Variants in SH3PXD2A observed in about 807,000 individuals in gnomAD.
The protein encoded by SH3PXD2A is SH3 and PX domain-containing protein 2A.
Under a neutral mutation model 115.2 loss-of-function variants are expected in SH3PXD2A, and 32 were observed. The observed-to-expected ratio is 0.28, with a 90% CI of 0.21 to 0.37. The LOEUF (loss-of-function observed/expected upper bound fraction) is 0.37. SH3PXD2A is among the 10% of genes least tolerant of loss of function. SH3PXD2A has a pLI of 1.00. For synonymous variants in SH3PXD2A, 610 were observed against 629.1 expected (o/e 0.97, Z 0.45); for missense variants, 1,328 against 1,498.7 (o/e 0.89, Z 1.88).
intron 1 of SH3PXD2A, among the ~76,000 whole-genome samples, chr10:103,853,110 C>G (rs184213620): frequency 3.9e-5 from 6 of 152,196 alleles, no homozygotes; most frequent in African/African-American, 1.2e-4. Flanking sequence ...CCCTGCCCCC[C>G]CAAACATAAT....
At chr10:103,828,656 A>C (rs989069466) in intron 1 of SH3PXD2A, among the ~76,000 whole-genome samples, 1 of 152,178 alleles carries the variant, frequency 6.6e-6, no homozygotes, top group Non-Finnish European at 1.5e-5. Context: ...CGAGATCCCA[A>C]GGGCAGGGCC....
Position 103,620,127 on chromosome 10 carries a change from A to G in SH3PXD2A, c.802+2343T>C, listed in dbSNP as rs1374424990. On this transcript the variant is annotated intron_variant, in intron 10 of 14. Transcript: ENST00000369774. The surrounding 1 kb of genome is among the most constrained non-coding windows in gnomAD (Gnocchi z 5.3). Reference sequence around the variant, plus strand: ...ACAGACGGACATGGCCTCAGCGGGCAGCTGCATGATTCAGGGTGGTCAGGG... The same window carrying G: ...ACAGACGGACATGGCCTCAGCGGGCGGCTGCATGATTCAGGGTGGTCAGGG... 6.6e-6 allele frequency among the ~76,000 whole-genome samples: 1 copy of G among 152,230 alleles called. No individual in the cohort carries two copies. Among genetic ancestry groups the G allele is most frequent in the Non-Finnish European group, 1.5e-5 (1 of 68,034 alleles).
chr10:103,661,188 C>T (rs1421733040), intron 7 of SH3PXD2A, 74 bp from the exon 8 acceptor site: 5 of 1,537,884 alleles, frequency 3.3e-6, no homozygotes, highest in Admixed American at 3.6e-5. Flanking sequence ...CCCTGTCCAT[C>T]GGCCTCCTCG....
At chr10:103,738,623 C>T (rs566586292) in intron 3 of SH3PXD2A, among the ~76,000 whole-genome samples, 13 of 152,254 alleles carry the variant, frequency 8.5e-5, no homozygotes, top group African/African-American at 3.1e-4. Flanking sequence ...TGGAGCAGGG[C>T]CTCAGCCTCC....
chr10:103,653,508 T>C (rs2037161732), intron 8 of SH3PXD2A, among the ~76,000 whole-genome samples: 1 of 152,066 alleles, frequency 6.6e-6, no homozygotes, highest in Non-Finnish European at 1.5e-5. Context: ...TGCTGAGAAA[T>C]AACTATTCAA....
chr10:103,727,703 A>G (rs2038258164), intron 4 of SH3PXD2A, among the ~76,000 whole-genome samples: 1 of 152,204 alleles, frequency 6.6e-6, no homozygotes, highest in Admixed American at 6.5e-5. Flanking sequence ...CACATTCCGG[A>G]GGCAGAGGAC....
intron 10 of SH3PXD2A, among the ~76,000 whole-genome samples, chr10:103,618,388 A>G: frequency 6.6e-6 from 1 of 152,218 alleles, no homozygotes; most frequent in Non-Finnish European, 1.5e-5. Context: ...CCCAGAGCTG[A>G]GTACTCCCTG....
chr10:103,678,071 GA>G, intron 6 of SH3PXD2A: 2 of 1,263,076 alleles, frequency 1.6e-6, no homozygotes, highest in South Asian at 1.2e-5. Context: ...GAGATTTTTA[GA>G]AAAATTACCC....
At chr10:103,714,557 G>A (rs1006252332) in intron 5 of SH3PXD2A, among the ~76,000 whole-genome samples, 54 of 152,200 alleles carry the variant, frequency 3.5e-4, no homozygotes, top group Admixed American at 7.2e-4. Flanking sequence ...GTTCCCCACG[G>A]CCAATGCCCC....
intron 6 of SH3PXD2A, among the ~76,000 whole-genome samples, chr10:103,689,046 A>AT (rs1014180585): frequency 2.0e-5 from 3 of 151,836 alleles, no homozygotes; most frequent in African/African-American, 7.3e-5. Flanking sequence ...TATTATTTTT[A>AT]TTTTTTTGGT....
chr10:103,701,608 C>G (rs1311799285), intron 5 of SH3PXD2A, among the ~76,000 whole-genome samples: 1 of 149,754 alleles, frequency 6.7e-6, no homozygotes, highest in Non-Finnish European at 1.5e-5. Flanking sequence ...CATCCATCAT[C>G]CATCCATCAT....
chr10:103,691,786 C>T (rs896676959), intron 6 of SH3PXD2A, among the ~76,000 whole-genome samples: 6 of 152,152 alleles, frequency 3.9e-5, no homozygotes, highest in Middle Eastern at 3.4e-3. Context: ...AACAAGTAAA[C>T]ATACCCTCAC....
intron 1 of SH3PXD2A, among the ~76,000 whole-genome samples, chr10:103,844,080 G>A (rs1332726913): frequency 6.6e-6 from 1 of 152,216 alleles, no homozygotes; most frequent in Non-Finnish European, 1.5e-5. Flanking sequence ...ATTAATCCCA[G>A]CTTGAGACCA....
In SH3PXD2A at chr10:103,693,034, T is replaced by G. The variant is rs551918548; in HGVS notation, c.421A>C (p.Lys141Gln). 16 of 1,613,362 alleles carry G rather than the reference T, an allele frequency of 9.9e-6. No homozygotes were observed. In the African/African-American group the frequency reaches 1.9e-4, roughly 19 times the overall value. The change falls in exon 6 of 15, where the codon AAA (lysine) becomes CAA (glutamine). Residue 141 changes from lysine (K) to glutamine (Q), a missense_variant. This residue lies in a region of SH3PXD2A where 90 missense variants were observed against 71.1 expected (regional missense o/e 1.27). Transcript: ENST00000369774. Reference protein sequence around the residue: ...PKEDYGSSKRKSVWLSSWAES... With the variant: ...PKEDYGSSKRQSVWLSSWAES... ...CGCCCGGAGGCTCCCTTACCTGATT[T>G]CCTCTTGGAACTGCCATAGTCCCTG... is the stretch of plus-strand genomic sequence containing the variant.
At position 103,612,974 on chromosome 10, in the gene SH3PXD2A, G is replaced by A. The variant is rs2036451211; in HGVS notation, c.1137C>T (p.Ser379=). 6.2e-7 allele frequency: 1 copy of A among 1,614,100 alleles called. No individual in the cohort carries two copies. Residue 379 remains serine (S), a synonymous_variant, in exon 12 of 15, where the codon AGC becomes AGT. Coordinates refer to ENST00000369774, the MANE Select transcript of SH3PXD2A (RefSeq NM_001394015.1). ...HEAPIAKKEI[S]LPILCNASNG... is the part of the protein sequence containing the mutation. ...TGGAGGCATTGCAGAGGATGGGCAG[G>A]CTGATCTCCTTCTTGGCAATGGGGG...
At chr10:103,828,784 C>T (rs1274558955) in intron 1 of SH3PXD2A, among the ~76,000 whole-genome samples, 1 of 152,230 alleles carries the variant, frequency 6.6e-6, no homozygotes, top group African/African-American at 2.4e-5. Flanking sequence ...TGTTTGTGTT[C>T]TGTACTTCGT....
In SH3PXD2A at chr10:103,692,932, C is replaced by T. The variant is rs966668040; in HGVS notation, c.427+96G>A. The T allele has an allele frequency of 9.0e-6, 9 of 1,001,428 alleles. No homozygotes were observed. The Admixed American group carries it at 1.5e-4, about 17-fold the overall frequency. 62.0% of individuals were successfully genotyped at this position (1,001,428 alleles called of 1,614,324 possible). A position where few individuals can be genotyped will look rare whatever the true frequency, so the allele number is the denominator to read the frequency against. ...GGCTGGCGTGCAAGGACAACCCCCCCCTCCCCGCCCCCAAGAAGTCCTCTG... is the reference window on the plus strand; with the variant it reads ...GGCTGGCGTGCAAGGACAACCCCCCTCTCCCCGCCCCCAAGAAGTCCTCTG... On this transcript the variant is annotated intron_variant, in intron 6 of 14. Transcript: ENST00000369774.
intron 1 of SH3PXD2A, among the ~76,000 whole-genome samples, chr10:103,847,030 AT>A (rs1300023182): frequency 2.0e-5 from 3 of 152,374 alleles, no homozygotes; most frequent in East Asian, 3.9e-4. Context: ...CATAGAAAAC[AT>A]TTAGAAAGGT....
At chr10:103,732,173 C>T (rs7072004) in intron 4 of SH3PXD2A, among the ~76,000 whole-genome samples, 62,882 of 151,886 alleles carry the variant, frequency 0.41, 14,149 homozygotes, top group African/African-American at 0.6. Flanking sequence ...CTAGAATATT[C>T]ATTTTATCCC....
Sources: allele counts gnomAD v4.1 joint callset (sites outside exome capture counted in the v4.1 genomes callset), GRCh38; gene constraint gnomAD v4.1.1; regional missense constraint gnomAD v4.1.1; non-coding constraint Gnocchi (gnomAD v3.1); transcripts MANE v1.5; gene names NCBI Gene and HGNC (gene_info 2026-07-23, HGNC 2026-07-21).